LINGO2: variants seen among roughly 807,000 people sequenced by gnomAD.
The protein encoded by LINGO2 is leucine-rich repeat and immunoglobulin-like domain-containing nogo receptor-interacting protein 2.
A neutral mutation model predicts 30.6 loss-of-function variants in LINGO2; 14 were observed. That is an observed-to-expected ratio of 0.46 (90% CI 0.30 to 0.72). The LOEUF is 0.72. Among genes scored for constraint, LINGO2 ranks in the 30% least tolerant of loss-of-function variants. The probability of loss-of-function intolerance (pLI) is 0.07; values close to 1 mark genes in which losing one functional copy is unlikely to be tolerated. For synonymous variants in LINGO2, 317 were observed against 288.5 expected (o/e 1.10, Z -1.00); for missense variants, 729 against 751.7 (o/e 0.97, Z 0.35).
At chr9:28,252,552 CCAA>C (rs1359391873) in intron 4 of LINGO2, among the ~76,000 whole-genome samples, 2 of 151,876 alleles carry the variant, frequency 1.3e-5, no homozygotes, top group African/African-American at 2.4e-5. Flanking sequence ...CTACTCTAAG[CCAA>C]CATTTGTCTA....
At chr9:28,696,317 G>A in the LINGO2 span, among the ~76,000 whole-genome samples, 1 of 151,848 alleles carries the variant, frequency 6.6e-6, no homozygotes, top group Non-Finnish European at 1.5e-5. Flanking sequence ...TCTGTAGCAC[G>A]AGAATGACTG....
Position 28,329,663 on chromosome 9 carries a change from C to T in LINGO2, c.-245-34297G>A, listed in dbSNP as rs1027432776. On this transcript the variant is annotated intron_variant, in intron 3 of 5. Coordinates refer to ENST00000379992, the Ensembl canonical transcript of LINGO2. The surrounding 1 kb of genome is among the most constrained non-coding windows in gnomAD (Gnocchi z 4.5). The stretch of plus-strand genomic sequence containing the variant: ...ATAGTTTCCTTCCCACTCTCCCCTT[C>T]TTTCACTCATTTACCACTGCAACTG... Among the ~76,000 whole-genome samples the T allele has an allele frequency of 1.3e-5, 2 of 152,114 alleles. No individual in the cohort carries two copies. The highest frequency in any genetic ancestry group is 2.9e-5 in the Non-Finnish European group (2 of 68,020).
the LINGO2 span, among the ~76,000 whole-genome samples, chr9:28,739,938 G>GTA: frequency 2.0e-4 from 26 of 128,584 alleles, no homozygotes; most frequent in South Asian, 1.8e-3. Flanking sequence ...ATATATGTGT[G>GTA]TATATATATA....
chr9:28,177,595 G>A (rs1828783700), intron 4 of LINGO2, among the ~76,000 whole-genome samples: 2 of 152,120 alleles, frequency 1.3e-5, no homozygotes, highest in South Asian at 4.1e-4. Flanking sequence ...GGAATGTAAA[G>A]CTTGGCATAG....
chr9:28,184,643 C>T (rs564754415), intron 4 of LINGO2, among the ~76,000 whole-genome samples: 1 of 152,040 alleles, frequency 6.6e-6, no homozygotes, highest in Admixed American at 6.6e-5. Flanking sequence ...GAGAGACTGA[C>T]TCTGAGTCTG....
At chr9:29,205,439 G>A in the LINGO2 span, among the ~76,000 whole-genome samples, 1 of 152,140 alleles carries the variant, frequency 6.6e-6, no homozygotes, top group African/African-American at 2.4e-5. Flanking sequence ...TGTTCATGAT[G>A]TATTATCTTT....
At chr9:28,531,145 A>G (rs1452695209) in intron 1 of LINGO2, among the ~76,000 whole-genome samples, 2 of 151,536 alleles carry the variant, frequency 1.3e-5, no homozygotes, top group African/African-American at 4.8e-5. Flanking sequence ...ATAATTAAAA[A>G]TGAAAAAAGA....
chr9:28,575,244 C>A (rs1442324306), intron 1 of LINGO2, among the ~76,000 whole-genome samples: 2 of 151,862 alleles, frequency 1.3e-5, no homozygotes, highest in East Asian at 3.9e-4. Context: ...TCTAAGAATA[C>A]AAAAATTAGC....
At chr9:28,124,364 C>G (rs1433149122) in intron 4 of LINGO2, among the ~76,000 whole-genome samples, 1 of 152,202 alleles carries the variant, frequency 6.6e-6, no homozygotes, top group Non-Finnish European at 1.5e-5. Flanking sequence ...CTTCTCTTTA[C>G]AGGAACAGAA....
At chr9:28,010,877 G>C (rs752605205) in intron 5 of LINGO2, among the ~76,000 whole-genome samples, 18 of 152,168 alleles carry the variant, frequency 1.2e-4, no homozygotes, top group Non-Finnish European at 2.1e-4. Flanking sequence ...ATGATCTCTT[G>C]AACCCAAGAG....
chr9:28,772,598 A>C, the LINGO2 span, among the ~76,000 whole-genome samples: 1 of 152,240 alleles, frequency 6.6e-6, no homozygotes, highest in Non-Finnish European at 1.5e-5. Flanking sequence ...TGTCCGCTGA[A>C]GCTGAAAGCA....
chr9:28,480,955 G>A lies in LINGO2; in HGVS notation c.-364-4930C>T, dbSNP rs192500326. 5.4e-3 allele frequency among the ~76,000 whole-genome samples: 814 copies of A among 152,118 alleles called. 12 individuals are homozygous for A. The highest frequency in any genetic ancestry group is 0.021 in the Admixed American group (323 of 15,246). ...AGTCATCTGCCTCAACAACAGTCCT[G>A]CCTCCTTTTCATACATCAATTTTGT... On this transcript the variant is annotated intron_variant, in intron 1 of 5. Transcript: ENST00000379992.
intron 4 of LINGO2, among the ~76,000 whole-genome samples, chr9:28,134,263 G>C (rs1290223460): frequency 6.6e-6 from 1 of 152,100 alleles, no homozygotes; most frequent in Admixed American, 6.5e-5. Context: ...TAAAAATATA[G>C]AGAAAGAGAG....
intron 4 of LINGO2, among the ~76,000 whole-genome samples, chr9:28,073,372 A>G (rs1376717049): frequency 1.3e-5 from 2 of 152,166 alleles, no homozygotes; most frequent in African/African-American, 4.8e-5. Flanking sequence ...TACATGAAGG[A>G]GCTTCATAAA....
At chr9:29,009,660 C>T in the LINGO2 span, among the ~76,000 whole-genome samples, 22 of 152,118 alleles carry the variant, frequency 1.4e-4, no homozygotes, top group African/African-American at 5.3e-4. Flanking sequence ...TGACTTTCTT[C>T]ACAGAATTGG....
the LINGO2 span, among the ~76,000 whole-genome samples, chr9:29,212,672 A>G: frequency 6.6e-6 from 1 of 152,146 alleles, no homozygotes; most frequent in African/African-American, 2.4e-5. Context: ...CAACCTCCAC[A>G]GAGAACCCAG....
the LINGO2 span, among the ~76,000 whole-genome samples, chr9:28,989,862 G>A: frequency 6.6e-6 from 1 of 152,164 alleles, no homozygotes; most frequent in South Asian, 2.1e-4. Flanking sequence ...GGTGGGCATG[G>A]AGATGACCAC....
At chr9:28,487,108 A>G (rs1051208130) in intron 1 of LINGO2, among the ~76,000 whole-genome samples, 1 of 152,134 alleles carries the variant, frequency 6.6e-6, no homozygotes, top group African/African-American at 2.4e-5. Flanking sequence ...ATATAAAGTT[A>G]CAGTTCCTCA....
intron 2 of LINGO2, among the ~76,000 whole-genome samples, chr9:28,386,193 A>C (rs1372683924): frequency 6.6e-6 from 1 of 152,152 alleles, no homozygotes; most frequent in Non-Finnish European, 1.5e-5. Context: ...AATGTTCTTA[A>C]AGAGATCAAG....
Sources: allele counts gnomAD v4.1 joint callset (sites outside exome capture counted in the v4.1 genomes callset), GRCh38; gene constraint gnomAD v4.1.1; non-coding constraint Gnocchi (gnomAD v3.1); transcripts MANE v1.5; gene names NCBI Gene and HGNC (gene_info 2026-07-23, HGNC 2026-07-21).